The following ZACN variants were observed in gnomAD, a reference collection of about 807,000 sequenced individuals.
ZACN encodes the protein zinc activated ion channel.
A neutral mutation model predicts 38.9 loss-of-function variants in ZACN; 52 were observed. The ratio of observed to expected loss-of-function variants is 1.34; its 90% CI spans 1.07 to 1.68. The LOEUF is 1.68. Among genes scored for constraint, ZACN ranks in the 40% most tolerant of loss-of-function variants. The pLI is 0.00. For synonymous variants in ZACN, 235 were observed against 227.4 expected (o/e 1.03, Z -0.30); for missense variants, 559 against 525.6 (o/e 1.06, Z -0.62).
chr17:76,081,853 A>G (rs770044149), intron 7 of ZACN, 29 bp from the exon 8 acceptor site: 2 of 1,608,098 alleles, frequency 1.2e-6, no homozygotes, highest in Non-Finnish European at 1.7e-6. Flanking sequence ...CTGGCCCCTG[A>G]GCATCTCCCT....
At chr17:76,080,118 C>T (rs117934323) in intron 4 of ZACN, 124 bp downstream of exon 4, 16,349 of 1,447,080 alleles carry the variant, frequency 0.011, 164 homozygotes, top group South Asian at 0.036. Context: ...ACTAGCAGTG[C>T]ACCTTCACTG....
In ZACN at chr17:76,079,552, G is replaced by T. The variant is rs372863119; in HGVS notation, c.211G>T (p.Val71Leu). The change falls in exon 2 of 9, where the codon GTG becomes TTG. Residue 71 changes from valine (V) to leucine (L), a missense_variant. Coordinates refer to ENST00000334586, the MANE Select transcript of ZACN (RefSeq NM_180990.4). ...LVDVRVFVSN[V>L]FNVDILRYTM... ...GGATGTGCGGGTGTTTGTCTCCAAC[G>T]TGTTTAATGTGGTAAGTGCCTCTAG... 1.2e-6 allele frequency: 2 copies of T among 1,614,082 alleles called. No individual in the cohort carries two copies. The highest frequency in any genetic ancestry group is 2.7e-5 in the African/African-American group (2 of 74,908).
Position 76,081,609 on chromosome 17 carries a change from T to G in ZACN, c.734T>G (p.Leu245Arg), listed in dbSNP as rs2066979385. 6.2e-7 allele frequency: 1 copy of G among 1,614,084 alleles called. No individual in the cohort carries two copies. Residue 245 changes from leucine (L) to arginine (R), a missense_variant, in exon 7 of 9, where the codon CTG becomes CGG. By Grantham distance (102) the Leu-to-Arg change is moderately radical. Coordinates refer to ENST00000334586, the MANE Select transcript of ZACN (RefSeq NM_180990.4). ...CTCTTGGTGCCTGCAGAGGCACTGC[T>G]GTTGGCTGACGTGTGCGGGGGGTTG... ...IALLVPAEAL[L>R]LADVCGGLLP...
chr17:76,080,912 T>A, intron 5 of ZACN: 1 of 439,634 alleles, frequency 2.3e-6, no homozygotes, highest in Non-Finnish European at 4.5e-6. Flanking sequence ...GGCAGAGAAG[T>A]CCTACCCTTC....
In ZACN at chr17:76,079,921, AG is replaced by A. The variant is rs1341304939; in HGVS notation, c.302del (p.Ser101MetfsTer39). ...GGACACTCGCCTGGCCTGGAACACT[AG>A]TGCACACCCGCGGCACGCCATCACG... ...WLDTRLAWNTSAHPRHAITLP... is the reference protein window; with the variant it reads ...WLDTRLAWNTXAHPRHAITLP... On this transcript the variant is annotated frameshift_variant, in exon 4 of 9. Transcript: ENST00000334586. LOFTEE classifies it high-confidence loss of function. 6.2e-7 allele frequency: 1 copy of A among 1,600,714 alleles called. No homozygotes were observed. The highest frequency in any genetic ancestry group is 8.5e-7 in the Non-Finnish European group (1 of 1,173,628).
chr17:76,081,798 G>A, intron 7 of ZACN, 43 bp downstream of exon 7: 1 of 1,613,156 alleles, frequency 6.2e-7, no homozygotes, highest in Non-Finnish European at 8.5e-7. Flanking sequence ...TTTCTCCCCG[G>A]TCACCCACTG....
rs759863202 is a variant in ZACN at position 76,082,677 on chromosome 17, C to A, written c.*24C>A. 6.4e-7 allele frequency: 1 copy of A among 1,568,472 alleles called. No homozygotes were observed. Among genetic ancestry groups the A allele is most frequent in the East Asian group, 2.3e-5 (1 of 44,228 alleles). ...AAAGGGGCAGGGCCTGGGCTGCACA[C>A]CTTAGGATGAAGTTTGCTTTCCCAT... On this transcript the variant is annotated 3_prime_UTR_variant, in exon 9 of 9. Transcript: ENST00000334586.
chr17:76,082,513 G>T lies in ZACN; in HGVS notation c.1099G>T (p.Asp367Tyr). 1 of 1,613,776 alleles carries T rather than the reference G, an allele frequency of 6.2e-7. No homozygotes were observed. The highest frequency in any genetic ancestry group is 1.1e-5 in the South Asian group (1 of 91,048). The change falls in exon 9 of 9, where the codon GAC (aspartate) becomes TAC (tyrosine). Residue 367 changes from aspartate to tyrosine, a missense_variant. Coordinates refer to ENST00000334586, the MANE Select transcript of ZACN (RefSeq NM_180990.4). ...ACAGAGAAGCTGGCCTGAGACTGCT[G>T]ACCGCATCTTCTTCCTCGTGTATGT... ...GSQRSWPETA[D>Y]RIFFLVYVVG...
chr17:76,079,785 C>G, intron 3 of ZACN, 39 bp downstream of exon 3: 1 of 1,608,172 alleles, frequency 6.2e-7, no homozygotes, highest in Non-Finnish European at 8.5e-7. Context: ...TGGGAAAGCC[C>G]AGCTGAGTCC....
Position 76,082,640 on chromosome 17 carries a change from G to A in ZACN, c.1226G>A (p.Arg409Gln), listed in dbSNP as rs746472319. Residue 409 changes from arginine to glutamine, a missense_variant, in exon 9 of 9, where the codon CGG becomes CAG. Physicochemically the swap from Arg to Gln is conservative, Grantham distance 43 (BLOSUM62 1). Coordinates refer to ENST00000334586, the MANE Select transcript of ZACN (RefSeq NM_180990.4). ...APGEAAPHGR[R>Q]PRL ...GGAGAGGCTGCACCCCATGGCAGGC[G>A]GCCTAGACTGTAAAGGGGCAGGGCC... 2.6e-5 allele frequency: 42 copies of A among 1,611,014 alleles called. No individual in the cohort carries two copies. Among genetic ancestry groups the A allele is most frequent in the Non-Finnish European group, 3.1e-5 (36 of 1,178,998 alleles).
rs781624422 is a variant in ZACN at position 76,080,404 on chromosome 17, T to C, written c.524T>C (p.Phe175Ser). Residue 175 changes from phenylalanine to serine, a missense_variant, in exon 5 of 9, where the codon TTC (phenylalanine) becomes TCC (serine). Physicochemically the swap from Phe to Ser is radical, Grantham distance 155. Transcript: ENST00000334586. ...GACCACAGCAACTGCAGCCTCAGCT[T>C]CTACGCTCTCAGCAACACGGGTGCT... is the stretch of plus-strand genomic sequence containing the variant. ...PRDHSNCSLS[F>S]YALSNTAMEL... The C allele has an allele frequency of 1.2e-6, 2 of 1,613,930 alleles. No individual in the cohort carries two copies. The highest frequency in any genetic ancestry group is 2.2e-5 in the South Asian group (2 of 91,078).
In ZACN at chr17:76,081,705, C is replaced by T. The variant is rs2066985821; in HGVS notation, c.830C>T (p.Ser277Phe). The change falls in exon 7 of 9, where the codon TCC (serine) becomes TTC (phenylalanine). Residue 277 changes from serine (S) to phenylalanine (F), a missense_variant. By Grantham distance (155) the Ser-to-Phe change is radical. Coordinates refer to ENST00000334586, the MANE Select transcript of ZACN (RefSeq NM_180990.4). ...TLLLSYLVLH[S>F]SLVQALPSSS... ...CTGCTGAGTTACCTCGTCCTCCACTCCTCCCTGGTGCAGGCCCTGCCCAGC... is the reference window on the plus strand; with the variant it reads ...CTGCTGAGTTACCTCGTCCTCCACTTCTCCCTGGTGCAGGCCCTGCCCAGC... The T allele has an allele frequency of 6.2e-7, 1 of 1,614,122 alleles. No homozygotes were observed. Among genetic ancestry groups the T allele is most frequent in the South Asian group, 1.1e-5 (1 of 91,084 alleles).
At chr17:76,080,231 T>C (rs1379018344) in intron 4 of ZACN, 24 bp from the exon 5 acceptor site, 2 of 1,598,742 alleles carry the variant, frequency 1.3e-6, no homozygotes, top group Non-Finnish European at 1.7e-6. Flanking sequence ...GCTGGGGCTC[T>C]GGCTGTGGTG....
intron 8 of ZACN, 34 bp downstream of exon 8, chr17:76,082,083 T>C: frequency 6.4e-7 from 1 of 1,566,188 alleles, no homozygotes. Context: ...GAATGAGGCC[T>C]AGGTGCACAC....
At chr17:76,081,213 T>TTGGC in intron 5 of ZACN, 65 bp from the exon 6 acceptor site, 1 of 1,598,748 alleles carries the variant, frequency 6.3e-7, no homozygotes, top group South Asian at 1.1e-5. Context: ...TCCAGTCTGC[T>TTGGC]ACCCCCAGAC....
In ZACN at chr17:76,079,873, C is replaced by T. The variant is rs2066922322; in HGVS notation, c.268-15C>T. On this transcript the variant is annotated splice_polypyrimidine_tract_variant and intron_variant, in intron 3 of 8. Coordinates refer to ENST00000334586, the MANE Select transcript of ZACN (RefSeq NM_180990.4). ...GTGGAGAGCAGGAGCCTCAGTGGTG[C>T]CCTTGTGTCCCCAGTCCTGGCTGGA... 2 of 1,585,878 alleles carry T rather than the reference C, an allele frequency of 1.3e-6. No individual in the cohort carries two copies. The highest frequency in any genetic ancestry group is 2.3e-5 in the East Asian group (1 of 43,222).
chr17:76,081,103 G>A (rs1423532237), intron 5 of ZACN, 175 bp from the exon 6 acceptor site: 3 of 756,720 alleles, frequency 4.0e-6, no homozygotes, highest in Non-Finnish European at 4.3e-6. Flanking sequence ...GACAATTTGG[G>A]ATGTTGCAAA....
chr17:76,080,344 C>T lies in ZACN; in HGVS notation c.464C>T (p.Thr155Ile). 6.2e-7 allele frequency: 1 copy of T among 1,613,882 alleles called. No individual in the cohort carries two copies. Among genetic ancestry groups the T allele is most frequent in the Non-Finnish European group, 8.5e-7 (1 of 1,179,854 alleles). ...CTCAACCTGGCCCTCGCCACGGAGACCAACTGCAACTTTGAGCTCCTCCAC... is the reference window on the plus strand; with the variant it reads ...CTCAACCTGGCCCTCGCCACGGAGATCAACTGCAACTTTGAGCTCCTCCAC... ...VKLNLALATE[T>I]NCNFELLHFP... Residue 155 changes from threonine to isoleucine, a missense_variant, in exon 5 of 9, where the codon ACC (threonine) becomes ATC (isoleucine). By Grantham distance (89) the Thr-to-Ile change is moderately conservative. Transcript: ENST00000334586.
Position 76,079,260 on chromosome 17 carries a change from A to G in ZACN, c.-5A>G, listed in dbSNP as rs1271676783. The stretch of plus-strand genomic sequence containing the variant: ...GCTGCTCCCTCCAGTCCCTCCGTGC[A>G]GCCGATGATGGCCCTATGGTCCCTG... On this transcript the variant is annotated 5_prime_UTR_variant, in exon 1 of 9. Transcript: ENST00000334586. 5 of 1,610,082 alleles carry G rather than the reference A, an allele frequency of 3.1e-6. No individual in the cohort carries two copies. In the Admixed American group the frequency reaches 5.0e-5, roughly 16 times the overall value.
Sources: allele counts gnomAD v4.1 joint callset, GRCh38; gene constraint gnomAD v4.1.1; transcripts MANE v1.5; gene names NCBI Gene and HGNC (gene_info 2026-07-23, HGNC 2026-07-21).